The following ASTN2 variants were observed in gnomAD, a reference collection of about 807,000 sequenced individuals.
The protein encoded by ASTN2 is astrotactin 2, also known as astrotactin-2.
A neutral mutation model predicts 139.8 loss-of-function variants in ASTN2; 54 were observed. The observed-to-expected ratio is 0.39, with a 90% CI of 0.31 to 0.48. The LOEUF is 0.48. ASTN2 is among the 20% of genes least tolerant of loss of function. The pLI, the probability that ASTN2 is intolerant of heterozygous loss-of-function variation, is 0.95. For synonymous variants in ASTN2, 756 were observed against 719.5 expected, an observed-to-expected ratio of 1.05 and a Z score of -0.81; for missense variants, 1,565 against 1,725.1, an observed-to-expected ratio of 0.91 and a Z score of 1.64.
At chr9:116,962,126 GCTT>G (rs1308371908) in intron 10 of ASTN2, among the ~76,000 whole-genome samples, 9 of 152,222 alleles carry the variant, frequency 5.9e-5, no homozygotes, top group African/African-American at 2.2e-4. Flanking sequence ...TGGCAGGGTT[GCTT>G]CTTCTTCACT....
chr9:116,609,377 G>GTATATATATATATA (rs1356237603), intron 19 of ASTN2, among the ~76,000 whole-genome samples: 7 of 31,618 alleles, frequency 2.2e-4, no homozygotes, highest in East Asian at 2.2e-3. Flanking sequence ...ATATATATGG[G>GTATATATATATATA]TGTATATATA....
intron 1 of ASTN2, among the ~76,000 whole-genome samples, chr9:117,332,316 A>C (rs1037962782): frequency 2.1e-4 from 32 of 152,194 alleles, no homozygotes; most frequent in Admixed American, 6.5e-5. Context: ...CATGCCTGTA[A>C]TCCCAGCACT....
chr9:116,859,234 C>G (rs1832816760), intron 11 of ASTN2, among the ~76,000 whole-genome samples: 1 of 152,300 alleles, frequency 6.6e-6, no homozygotes, highest in South Asian at 2.1e-4. Context: ...CTGGTTCTGT[C>G]ATGAAAGGTA....
chr9:116,988,510 C>T (rs890073152), intron 7 of ASTN2, among the ~76,000 whole-genome samples: 3 of 152,110 alleles, frequency 2.0e-5, no homozygotes, highest in African/African-American at 7.2e-5. Flanking sequence ...ACCTTTTTGC[C>T]TTCAATCCAC....
chr9:116,948,797 T>TG lies in ASTN2; in HGVS notation c.1889+26410_1889+26411insC, dbSNP rs1310401796. Among the ~76,000 whole-genome samples the TG allele has an allele frequency of 1.4e-3, 164 of 118,316 alleles. 4 individuals carry two copies. The highest frequency in any genetic ancestry group is 2.1e-3 in the Non-Finnish European group (123 of 59,024). The allele number at this position is 118,316 out of a possible 152,430, so 77.6% of individuals were successfully genotyped here. ...GAAATAATTTGGTGTTTTTTTTTTTTTTTTTTTTTTTTTGAGAAGGAGTCT... is the reference window on the plus strand; with the variant it reads ...GAAATAATTTGGTGTTTTTTTTTTTTGTTTTTTTTTTTTTGAGAAGGAGTCT... On this transcript the variant is annotated intron_variant, in intron 10 of 22. Transcript: ENST00000313400.
intron 1 of ASTN2, among the ~76,000 whole-genome samples, chr9:117,411,292 C>T (rs558388915): frequency 6.6e-6 from 1 of 152,190 alleles, no homozygotes; most frequent in Admixed American, 6.5e-5. Context: ...GGGAGATTCA[C>T]TTTGTCAATG....
chr9:117,149,992 G>A (rs1029942238), intron 3 of ASTN2, among the ~76,000 whole-genome samples: 1 of 152,204 alleles, frequency 6.6e-6, no homozygotes, highest in South Asian at 2.1e-4. Context: ...GGAAAACTTG[G>A]GAATAGCCTT....
At position 117,291,485 on chromosome 9, in the gene ASTN2, C is replaced by A; in HGVS notation, c.471G>T (p.Ser157=). Residue 157 remains serine (S), a synonymous_variant, in exon 2 of 23, where the codon TCG becomes TCT. Coordinates refer to ENST00000313400, the MANE Select transcript of ASTN2 (RefSeq NM_001365068.1). ...GCCACTGCTGTCTCCAGTGCACCAG[C>A]GAGATGTCCGCTGCTGTGCCAGACA... ...LEMSGTAADI[S]LVHWRQQWLE... 6.2e-7 allele frequency: 1 copy of A among 1,611,694 alleles called. No homozygotes were observed. Among genetic ancestry groups the A allele is most frequent in the Non-Finnish European group, 8.5e-7 (1 of 1,178,798 alleles).
At position 117,091,694 on chromosome 9, in the gene ASTN2, G is replaced by A. The variant is rs556028905; in HGVS notation, c.1276+4350C>T. 1.1e-4 allele frequency among the ~76,000 whole-genome samples: 16 copies of A among 152,164 alleles called. No individual in the cohort carries two copies. In the East Asian group the frequency reaches 2.9e-3, roughly 28 times the overall value. On this transcript the variant is annotated intron_variant, in intron 5 of 22. Coordinates refer to ENST00000313400, the MANE Select transcript of ASTN2 (RefSeq NM_001365068.1). Reference sequence around the variant, plus strand: ...AGAGGCCCCGGGGGAGAGGTGGAGTGGGGAGGGAAGGAGCGGACAGAGCCC... The same window carrying A: ...AGAGGCCCCGGGGGAGAGGTGGAGTAGGGAGGGAAGGAGCGGACAGAGCCC...
intron 16 of ASTN2, among the ~76,000 whole-genome samples, chr9:116,691,621 G>A (rs922370699): frequency 6.6e-6 from 1 of 152,144 alleles, no homozygotes; most frequent in Non-Finnish European, 1.5e-5. Flanking sequence ...GAGCATGCCT[G>A]TGTTTCCCTA....
At chr9:117,202,272 A>G (rs1267489984) in intron 3 of ASTN2, among the ~76,000 whole-genome samples, 1 of 152,012 alleles carries the variant, frequency 6.6e-6, no homozygotes, top group East Asian at 1.9e-4. Flanking sequence ...TAGTACACTG[A>G]TGGGTCTTGA....
chr9:116,475,044 CA>C (rs1848934711), intron 20 of ASTN2, among the ~76,000 whole-genome samples: 1 of 152,210 alleles, frequency 6.6e-6, no homozygotes, highest in African/African-American at 2.4e-5. Flanking sequence ...TCAGCTTCCT[CA>C]TCTATACACT....
chr9:116,848,984 T>C (rs868707342), intron 11 of ASTN2, among the ~76,000 whole-genome samples: 1 of 152,196 alleles, frequency 6.6e-6, no homozygotes, highest in South Asian at 2.1e-4. Flanking sequence ...CCACAATCCC[T>C]TCCTTGGGTT....
intron 1 of ASTN2, among the ~76,000 whole-genome samples, chr9:117,362,026 G>A (rs566292279): frequency 6.6e-6 from 1 of 152,154 alleles, no homozygotes; most frequent in African/African-American, 2.4e-5. Context: ...CAAGGCTGGA[G>A]TGCAGTAGCG....
chr9:116,482,204 T>A (rs1204965126), intron 20 of ASTN2, among the ~76,000 whole-genome samples: 1 of 152,076 alleles, frequency 6.6e-6, no homozygotes, highest in Admixed American at 6.6e-5. Flanking sequence ...CAGGCGCCTG[T>A]AGTCCCAGCT....
chr9:117,412,536 G>A (rs1316306), intron 1 of ASTN2, among the ~76,000 whole-genome samples: 1,748 of 152,294 alleles, frequency 0.011, 13 homozygotes, highest in African/African-American at 0.025. Context: ...AAGATTGTCA[G>A]TTCCAGGAAT....
intron 10 of ASTN2, among the ~76,000 whole-genome samples, chr9:116,929,276 A>C (rs1834837011): frequency 6.6e-6 from 1 of 152,186 alleles, no homozygotes; most frequent in Non-Finnish European, 1.5e-5. Flanking sequence ...CAGGACGAAA[A>C]GAAGATGCCA....
intron 17 of ASTN2, among the ~76,000 whole-genome samples, chr9:116,621,929 C>T (rs553065909): frequency 2.6e-4 from 39 of 152,324 alleles, no homozygotes; most frequent in African/African-American, 7.7e-4. Context: ...GACATTTCAA[C>T]GCACTGCACA....
chr9:116,899,254 C>T (rs559079959), intron 10 of ASTN2, among the ~76,000 whole-genome samples: 115 of 152,266 alleles, frequency 7.6e-4, no homozygotes, highest in African/African-American at 2.6e-3. Flanking sequence ...TGAGTTAGAA[C>T]TGCTGGAGTT....
Sources: gnomAD v4.1 joint callset for allele counts (sites outside exome capture counted in the v4.1 genomes callset) on GRCh38, gnomAD v4.1.1 for gene constraint, MANE v1.5 for transcripts, NCBI Gene and HGNC (gene_info 2026-07-23, HGNC 2026-07-21) for gene names.